The following PITPNM3 variants were observed in gnomAD, a reference collection of about 807,000 sequenced individuals.
PITPNM3 encodes the protein PITPNM family member 3, also known as membrane-associated phosphatidylinositol transfer protein 3.
PITPNM3 carries 26 observed loss-of-function variants against 102.0 expected under a neutral mutation model. The ratio of observed to expected loss-of-function variants is 0.25; its 90% CI spans 0.19 to 0.35. The LOEUF (loss-of-function observed/expected upper bound fraction) is 0.35. PITPNM3 is among the 10% of genes least tolerant of loss of function. The pLI, the probability that PITPNM3 is intolerant of heterozygous loss-of-function variation, is 1.00. For synonymous variants in PITPNM3, 578 were observed against 558.6 expected, an observed-to-expected ratio of 1.03 and a Z score of -0.49; for missense variants, 1,083 against 1,346.1, an observed-to-expected ratio of 0.80 and a Z score of 3.06.
rs1198801942 is a variant in PITPNM3 at position 6,505,193 on chromosome 17, A to ATATATAT, written c.227-1620_227-1619insATATATA. 1.4e-3 allele frequency among the ~76,000 whole-genome samples: 103 copies of ATATATAT among 72,308 alleles called. 2 individuals carry two copies. Among genetic ancestry groups the ATATATAT allele is most frequent in the African/African-American group, 4.2e-3 (94 of 22,234 alleles). The allele number at this position is 72,308 out of a possible 152,430, so 47.4% of individuals were successfully genotyped here. The stretch of plus-strand genomic sequence containing the variant: ...TCCGTCTCCAAAAAAGAAGACAAAT[A>ATATATAT]AAATATATATATATATATATATGTA... On this transcript the variant is annotated intron_variant, in intron 3 of 19. Coordinates refer to ENST00000262483, the MANE Select transcript of PITPNM3 (RefSeq NM_031220.4).
At chr17:6,499,555 G>C (rs1907043540) in intron 4 of PITPNM3, among the ~76,000 whole-genome samples, 1 of 152,174 alleles carries the variant, frequency 6.6e-6, no homozygotes, top group South Asian at 2.1e-4. Flanking sequence ...ATGGGGACCA[G>C]GTGTTCCAGC....
chr17:6,512,907 C>A (rs1907953481), intron 3 of PITPNM3, among the ~76,000 whole-genome samples: 1 of 151,992 alleles, frequency 6.6e-6, no homozygotes, highest in Admixed American at 6.6e-5. Context: ...GATATATAAA[C>A]CCCAAGCATA....
At chr17:6,524,960 TTC>T (rs1194132660) in intron 3 of PITPNM3, among the ~76,000 whole-genome samples, 10 of 152,128 alleles carry the variant, frequency 6.6e-5, no homozygotes, top group Non-Finnish European at 1.3e-4. Context: ...ACTGCTGTCC[TTC>T]TCTCTCCCCT....
At position 6,459,184 on chromosome 17, in the gene PITPNM3, C is replaced by T. The variant is rs776103139; in HGVS notation, c.2491-1462G>A. On this transcript the variant is annotated intron_variant, in intron 18 of 19. Coordinates refer to ENST00000262483, the MANE Select transcript of PITPNM3 (RefSeq NM_031220.4). This position sits in a 1 kb window ranked among gnomAD's most constrained non-coding sequence, Gnocchi z 5.0. ...TCCCAGCTGACACCCACTTTCTCTG[C>T]TCCTCTCCCTGCTACTTTTGCCCCC... 2.0e-5 allele frequency among the ~76,000 whole-genome samples: 3 copies of T among 152,198 alleles called. No homozygotes were observed. Among genetic ancestry groups the T allele is most frequent in the Non-Finnish European group, 4.4e-5 (3 of 68,036 alleles).
chr17:6,523,823 T>G, intron 3 of PITPNM3, among the ~76,000 whole-genome samples: 1 of 152,210 alleles, frequency 6.6e-6, no homozygotes, highest in East Asian at 1.9e-4. Context: ...TTCTCGTGGA[T>G]GGGACAGTGG....
chr17:6,455,518 C>G lies in PITPNM3; in HGVS notation c.2745G>C (p.Glu915Asp). 6.2e-7 allele frequency: 1 copy of G among 1,605,604 alleles called. No homozygotes were observed. The highest frequency in any genetic ancestry group is 8.5e-7 in the Non-Finnish European group (1 of 1,179,558). Reference protein sequence around the residue: ...KGSFGLHAQPEFLRKRNHLRR... With the variant: ...KGSFGLHAQPDFLRKRNHLRR... Reference sequence around the variant, plus strand: ...GCAGGTGGTTGCGCTTCCGCAGGAACTCTGGCTGCGCGTGCAGCCCGAAGC... The same window carrying G: ...GCAGGTGGTTGCGCTTCCGCAGGAAGTCTGGCTGCGCGTGCAGCCCGAAGC... The change falls in exon 20 of 20, where the codon GAG (glutamate) becomes GAC (aspartate). Residue 915 changes from glutamate (E) to aspartate (D), a missense_variant. Coordinates refer to ENST00000262483, the MANE Select transcript of PITPNM3 (RefSeq NM_031220.4).
chr17:6,533,983 A>C (rs2150658744), intron 2 of PITPNM3, among the ~76,000 whole-genome samples: 1 of 152,300 alleles, frequency 6.6e-6, no homozygotes, highest in South Asian at 2.1e-4. Flanking sequence ...GTGGCCCTAA[A>C]CAAGGTTCCC....
Position 6,519,475 on chromosome 17 carries a change from C to T in PITPNM3, c.226+5881G>A, listed in dbSNP as rs564018308. Among the ~76,000 whole-genome samples the T allele has an allele frequency of 1.6e-3, 244 of 149,830 alleles. 1 individual carries two copies. The highest frequency in any genetic ancestry group is 5.3e-3 in the African/African-American group (215 of 40,570). On this transcript the variant is annotated intron_variant, in intron 3 of 19. Transcript: ENST00000262483. ...CGGGGCTTGCAGTGAGCCGAGATAG[C>T]GCCACTGCACTCCAGCCTGGGCGAC... is the stretch of plus-strand genomic sequence containing the variant.
intron 1 of PITPNM3, among the ~76,000 whole-genome samples, chr17:6,543,823 G>A (rs1909863347): frequency 6.6e-6 from 1 of 152,190 alleles, no homozygotes; most frequent in Admixed American, 6.5e-5. Context: ...AGGGTTTCCG[G>A]GGGAGGGGAA....
intron 9 of PITPNM3, among the ~76,000 whole-genome samples, chr17:6,476,569 T>C (rs1013846246): frequency 6.6e-6 from 1 of 152,184 alleles, no homozygotes; most frequent in African/African-American, 2.4e-5. Context: ...TGATCCCAGC[T>C]CTTCCGTCAC....
intron 4 of PITPNM3, among the ~76,000 whole-genome samples, chr17:6,493,931 A>T (rs1906645968): frequency 6.6e-6 from 1 of 152,170 alleles, no homozygotes; most frequent in Non-Finnish European, 1.5e-5. Context: ...GGCCCAGTGA[A>T]ATTTCCAGGT....
intron 4 of PITPNM3, among the ~76,000 whole-genome samples, chr17:6,487,326 C>T (rs1014815314): frequency 1.3e-5 from 2 of 152,134 alleles, no homozygotes; most frequent in Non-Finnish European, 2.9e-5. Flanking sequence ...AGTTCATATG[C>T]ATAAAGGGCT....
rs547917271 is a variant in PITPNM3, at chr17:6,457,207, A to C, written c.2619+387T>G. ...TGTCACAAATATTCTTCTCAATCTC[A>C]GGCCCTTCCTGGACCATTCCTTCAA... is the stretch of plus-strand genomic sequence containing the variant. On this transcript the variant is annotated intron_variant, in intron 19 of 19. Coordinates refer to ENST00000262483, the MANE Select transcript of PITPNM3 (RefSeq NM_031220.4). This position sits in a 1 kb window ranked among gnomAD's most constrained non-coding sequence, Gnocchi z 4.7. Among the ~76,000 whole-genome samples the C allele has an allele frequency of 6.0e-4, 91 of 151,982 alleles. No individual in the cohort carries two copies. The highest frequency in any genetic ancestry group is 1.3e-3 in the Non-Finnish European group (85 of 67,996).
At chr17:6,547,229 C>T (rs960799846) in intron 1 of PITPNM3, among the ~76,000 whole-genome samples, 1 of 152,126 alleles carries the variant, frequency 6.6e-6, no homozygotes, top group African/African-American at 2.4e-5. Flanking sequence ...AAGCAGGGCA[C>T]AGTTGGCCAA....
chr17:6,483,783 G>C lies in PITPNM3; in HGVS notation c.352-31C>G, dbSNP rs757294881. On this transcript the variant is annotated intron_variant, in intron 5 of 19. Coordinates refer to ENST00000262483, the MANE Select transcript of PITPNM3 (RefSeq NM_031220.4). ...AGCCAAGGCGGTTGGAATACAGAGA[G>C]AGAGGCGGCTGGGGTCGGGGGAGGC... is the stretch of plus-strand genomic sequence containing the variant. 9 of 1,599,718 alleles carry C rather than the reference G, an allele frequency of 5.6e-6. No homozygotes were observed. The East Asian group carries it at 2.0e-4, about 36-fold the overall frequency.
chr17:6,472,739 C>T lies in PITPNM3; in HGVS notation c.1347G>A (p.Glu449=), dbSNP rs1237120353. The change falls in exon 11 of 20, where the codon GAG becomes GAA. Residue 449 remains glutamate, a synonymous_variant. Transcript: ENST00000262483. The surrounding 1 kb of genome is among the most constrained non-coding windows in gnomAD (Gnocchi z 4.1). The part of the protein sequence containing the change: ...PSASRLEPLL[E]PKFHLVPPVS... ...CAGGCGGCACCAGGTGGAACTTGGG[C>T]TCCAGCAGTGGCTCGAGCCGTGAGG... The T allele has an allele frequency of 2.0e-5, 33 of 1,614,066 alleles. No homozygotes were observed. Among genetic ancestry groups the T allele is most frequent in the Non-Finnish European group, 2.8e-5 (33 of 1,179,984 alleles).
At position 6,491,816 on chromosome 17, in the gene PITPNM3, A is replaced by AATATATAT. The variant is rs71381397; in HGVS notation, c.275-7532_275-7525dup. On this transcript the variant is annotated intron_variant, in intron 4 of 19. Transcript: ENST00000262483. ...TTTTCTCTAGATGCTGGGACAATGGAATATATATATATATATATATAATAA... is the reference window on the plus strand; with the variant it reads ...TTTTCTCTAGATGCTGGGACAATGGAATATATATATATATATATATATATATATAATAA... 3.4e-3 allele frequency among the ~76,000 whole-genome samples: 211 copies of AATATATAT among 62,050 alleles called. 5 individuals carry two copies. The highest frequency in any genetic ancestry group is 0.013 in the African/African-American group (206 of 15,504). The allele number at this position is 62,050 out of a possible 152,430, so 40.7% of individuals were successfully genotyped here.
At chr17:6,464,478 C>A (rs548528131) in intron 15 of PITPNM3, among the ~76,000 whole-genome samples, 160 bp from the exon 16 acceptor site, 2 of 152,200 alleles carry the variant, frequency 1.3e-5, no homozygotes, top group Non-Finnish European at 2.9e-5. Flanking sequence ...CTGAGCCCAT[C>A]CTTTCCTCCT....
chr17:6,504,736 A>T (rs563439668), intron 3 of PITPNM3, among the ~76,000 whole-genome samples: 3 of 152,338 alleles, frequency 2.0e-5, no homozygotes, highest in Admixed American at 6.5e-5. Context: ...GGATACCTGG[A>T]TTCAAATGCC....
Sources: gnomAD v4.1 joint callset for allele counts (sites outside exome capture counted in the v4.1 genomes callset) on GRCh38, gnomAD v4.1.1 for gene constraint, Gnocchi (gnomAD v3.1) non-coding constraint, MANE v1.5 for transcripts, NCBI Gene and HGNC (gene_info 2026-07-23, HGNC 2026-07-21) for gene names.